Variants in SYMPK observed in about 807,000 individuals in gnomAD.
SYMPK encodes the protein symplekin.
A neutral mutation model predicts 136.4 loss-of-function variants in SYMPK; 49 were observed. The observed-to-expected ratio is 0.36, with a 90% CI of 0.29 to 0.46. The LOEUF is 0.46. Among genes scored for constraint, SYMPK ranks in the 20% least tolerant of loss-of-function variants. SYMPK has a pLI of 1.00. For synonymous variants in SYMPK, 766 were observed against 713.0 expected, an observed-to-expected ratio of 1.07 and a Z score of -1.19; for missense variants, 1,365 against 1,690.0, an observed-to-expected ratio of 0.81 and a Z score of 3.37.
intron 14 of SYMPK, chr19:45,828,615 C>G (rs1971100201): frequency 3.7e-6 from 1 of 271,290 alleles, no homozygotes; most frequent in Non-Finnish European, 7.0e-6. Flanking sequence ...GCTACAGAAC[C>G]AACTCAGGTA....
chr19:45,846,939 G>A (rs1053145316), intron 7 of SYMPK, among the ~76,000 whole-genome samples: 1 of 151,790 alleles, frequency 6.6e-6, no homozygotes, highest in Non-Finnish European at 1.5e-5. Context: ...GATTACAGGT[G>A]CCCGCCACCA....
At position 45,854,158 on chromosome 19, in the gene SYMPK, GC is replaced by G. The variant is rs771262005; in HGVS notation, c.171+16del. 5 of 1,613,586 alleles carry G rather than the reference GC, an allele frequency of 3.1e-6. No homozygotes were observed. Among genetic ancestry groups the G allele is most frequent in the Admixed American group, 1.7e-5 (1 of 60,014 alleles). On this transcript the variant is annotated intron_variant, in intron 3 of 26. Transcript: ENST00000245934. ...CCCTTTCACCTGCTCAGCCCAGGAT[GC>G]CCCCCGGGCCCTCACCTGTTTGAGC... is the stretch of plus-strand genomic sequence containing the variant.
rs186673530 is a variant in SYMPK at position 45,828,435 on chromosome 19, A to T, written c.1986-517T>A. The T allele has an allele frequency of 9.0e-4, 164 of 182,570 alleles. 1 individual carries two copies. Among genetic ancestry groups the T allele is most frequent in the South Asian group, 7.0e-4 (6 of 8,564 alleles). The allele number at this position is 182,570 out of a possible 1,614,324, so 11.3% of individuals were successfully genotyped here. Reference sequence around the variant, plus strand: ...GGTAAAGCCAAAGAGATTGGGTCACATAAGGCCTCACTGGTCACAGTAAGG... The same window carrying T: ...GGTAAAGCCAAAGAGATTGGGTCACTTAAGGCCTCACTGGTCACAGTAAGG... On this transcript the variant is annotated intron_variant, in intron 14 of 26. Transcript: ENST00000245934.
rs1188145186 is a variant in SYMPK, at chr19:45,829,000, C to T, written c.1955G>A (p.Gly652Asp). The part of the protein sequence containing the change: ...YEDCLIRLLS[G>D]LQEKPDQKDG... ...CTTCTGGTCTGGTTTCTCCTGCAGG[C>T]CAGACAACAGGCGGATGAGGCAGTC... The change falls in exon 14 of 27, where the codon GGC becomes GAC. Residue 652 changes from glycine (G) to aspartate (D), a missense_variant. Gly to Asp is a moderately conservative substitution (Grantham distance 94). Around this residue, in one of 11 missense-constraint regions of SYMPK, gnomAD observed 303 missense variants for 326.6 expected, o/e 0.93. Transcript: ENST00000245934. The T allele has an allele frequency of 2.5e-6, 4 of 1,614,158 alleles. No homozygotes were observed. The highest frequency in any genetic ancestry group is 2.2e-5 in the East Asian group (1 of 44,886).
chr19:45,825,450 T>C, intron 17 of SYMPK, 119 bp from the exon 18 acceptor site: 1 of 1,281,788 alleles, frequency 7.8e-7, no homozygotes. Flanking sequence ...GAGCCGGGGC[T>C]GGGGAGCTAA....
chr19:45,861,600 G>T (rs763846962), intron 1 of SYMPK, among the ~76,000 whole-genome samples: 3 of 152,074 alleles, frequency 2.0e-5, no homozygotes, highest in Non-Finnish European at 2.9e-5. Context: ...TTAGCCAGGC[G>T]TGGTGGTGTG....
intron 8 of SYMPK, among the ~76,000 whole-genome samples, chr19:45,843,811 G>A (rs950036834): frequency 3.3e-5 from 5 of 151,808 alleles, no homozygotes; most frequent in Non-Finnish European, 7.4e-5. Context: ...TGGGTGTGGT[G>A]GTGTGTCCTG....
chr19:45,831,190 A>C, intron 12 of SYMPK, 194 bp downstream of exon 12: 1 of 375,618 alleles, frequency 2.7e-6, no homozygotes, highest in Non-Finnish European at 4.6e-6. Flanking sequence ...TTTTTTTTAC[A>C]GGAAAGAGAA....
chr19:45,849,131 C>T (rs1389877508), intron 5 of SYMPK, among the ~76,000 whole-genome samples: 5 of 152,144 alleles, frequency 3.3e-5, no homozygotes, highest in Non-Finnish European at 7.3e-5. Flanking sequence ...TAGGGGCAGA[C>T]AACTGTGTGA....
intron 1 of SYMPK, among the ~76,000 whole-genome samples, chr19:45,857,849 AG>A (rs1445222623): frequency 7.1e-6 from 1 of 141,420 alleles, no homozygotes; most frequent in Admixed American, 7.4e-5. Context: ...CCCAGGCTGG[AG>A]TGTAATGGCA....
chr19:45,826,940 T>C (rs1352506434), intron 16 of SYMPK, among the ~76,000 whole-genome samples: 1 of 152,170 alleles, frequency 6.6e-6, no homozygotes, highest in Non-Finnish European at 1.5e-5. Flanking sequence ...ATCTGTCCCC[T>C]CTGTCTAGAG....
chr19:45,823,558 G>T, intron 19 of SYMPK, 86 bp from the exon 20 acceptor site: 1 of 1,325,202 alleles, frequency 7.5e-7, no homozygotes. Flanking sequence ...AAGCAGGCAG[G>T]TGTGCAGGAA....
At chr19:45,816,377 G>T in intron 25 of SYMPK, 105 bp downstream of exon 25, 1 of 1,428,440 alleles carries the variant, frequency 7.0e-7, no homozygotes, top group Non-Finnish European at 9.3e-7. Context: ...AGGCAGGGGT[G>T]GCCTGAGTCT....
intron 1 of SYMPK, chr19:45,855,300 T>C (rs1396808261): frequency 1.3e-5 from 2 of 152,226 alleles, no homozygotes; most frequent in Non-Finnish European, 2.9e-5. Flanking sequence ...CTCTCTGGAA[T>C]ATCATGAAGC....
chr19:45,817,902 A>C, intron 23 of SYMPK, 57 bp downstream of exon 23: 1 of 1,482,450 alleles, frequency 6.7e-7, no homozygotes, highest in East Asian at 2.5e-5. Flanking sequence ...GGGGAGGGCA[A>C]GCAGGCTAGA....
intron 21 of SYMPK, among the ~76,000 whole-genome samples, chr19:45,822,115 CTTTTTT>C (rs141894331): frequency 8.1e-5 from 7 of 86,084 alleles, no homozygotes; most frequent in Non-Finnish European, 1.1e-4. Flanking sequence ...AGTTTTGCTT[CTTTTTT>C]TTTTTTTTTT....
At chr19:45,848,696 T>C (rs1383557944) in intron 6 of SYMPK, 54 bp downstream of exon 6, 6 of 1,608,764 alleles carry the variant, frequency 3.7e-6, no homozygotes, top group Non-Finnish European at 5.1e-6. Context: ...ACATATTAGT[T>C]TGTCAACGAG....
intron 25 of SYMPK, 139 bp from the exon 26 acceptor site, chr19:45,816,322 C>A: frequency 7.6e-6 from 9 of 1,182,498 alleles, no homozygotes; most frequent in Non-Finnish European, 1.0e-5. Flanking sequence ...TCCCCCAGAC[C>A]CCCAACTCCC....
intron 1 of SYMPK, among the ~76,000 whole-genome samples, chr19:45,862,848 C>G (rs2146355592): frequency 6.6e-6 from 1 of 152,358 alleles, no homozygotes; most frequent in Non-Finnish European, 1.5e-5. Context: ...CAAGCGAGGT[C>G]TGCGGGGCGG....
Sources: allele counts gnomAD v4.1 joint callset (sites outside exome capture counted in the v4.1 genomes callset), GRCh38; gene constraint gnomAD v4.1.1; regional missense constraint gnomAD v4.1.1; transcripts MANE v1.5; gene names NCBI Gene and HGNC (gene_info 2026-07-23, HGNC 2026-07-21).